CCDC191: variants seen among roughly 807,000 people sequenced by gnomAD.
CCDC191 encodes coiled-coil domain containing 191, also known as coiled-coil domain-containing protein 191.
A neutral mutation model predicts 114.0 loss-of-function variants in CCDC191; 99 were observed. The ratio of observed to expected loss-of-function variants is 0.87; its 90% CI spans 0.74 to 1.03. The LOEUF is 1.03. Among genes scored for constraint, CCDC191 ranks in the 50% least tolerant of loss-of-function variants. The probability of loss-of-function intolerance (pLI) is 0.00; values close to 1 mark genes in which losing one functional copy is unlikely to be tolerated. For missense variants in CCDC191, 973 were observed against 1,087.0 expected (o/e 0.90, Z 1.47); for synonymous variants, 351 against 376.0 (o/e 0.93, Z 0.77).
intron 4 of CCDC191, 91 bp downstream of exon 4, chr3:114,042,608 TTAAA>T (rs1328936158): frequency 1.9e-6 from 2 of 1,056,080 alleles, no homozygotes; most frequent in African/African-American, 3.4e-5. Context: ...CACAGAAAAC[TTAAA>T]TATGTATCAT....
intron 2 of CCDC191, chr3:114,047,211 T>C: frequency 6.0e-6 from 4 of 664,966 alleles, no homozygotes; most frequent in Non-Finnish European, 7.4e-6. Flanking sequence ...TCAATAAAAT[T>C]GGAATAAACA....
chr3:114,042,560 C>T (rs2076577361), intron 4 of CCDC191, 143 bp downstream of exon 4: 1 of 571,566 alleles, frequency 1.7e-6, no homozygotes, highest in Non-Finnish European at 2.8e-6. Context: ...TACATTTAAC[C>T]ATGATAAATT....
chr3:114,045,177 G>A (rs927706706), intron 3 of CCDC191, among the ~76,000 whole-genome samples: 3 of 151,934 alleles, frequency 2.0e-5, no homozygotes, highest in African/African-American at 4.8e-5. Flanking sequence ...ATCTCTACTG[G>A]CAGGGTGGGA....
At chr3:114,046,444 A>G in intron 3 of CCDC191, 147 bp downstream of exon 3, 1 of 626,632 alleles carries the variant, frequency 1.6e-6, no homozygotes, top group East Asian at 2.8e-5. Flanking sequence ...TATTGGAGTT[A>G]ATTCCAGAGT....
intron 8 of CCDC191, 32 bp downstream of exon 8, chr3:114,018,646 A>C (rs779180180): frequency 6.5e-7 from 1 of 1,545,638 alleles, no homozygotes. Context: ...CTAGATAAAC[A>C]TACTAGATTT....
At chr3:113,990,773 C>T (rs1461611778) in intron 13 of CCDC191, among the ~76,000 whole-genome samples, 1 of 151,390 alleles carries the variant, frequency 6.6e-6, no homozygotes, top group South Asian at 2.1e-4. Flanking sequence ...TAACCATTAT[C>T]CTAATACCAC....
At chr3:114,025,826 CCA>C (rs764815277) in intron 7 of CCDC191, among the ~76,000 whole-genome samples, 1 of 152,132 alleles carries the variant, frequency 6.6e-6, no homozygotes, top group African/African-American at 2.4e-5. Flanking sequence ...TCATCCTTGG[CCA>C]CACACATAAA....
Position 113,983,475 on chromosome 3 carries a change from C to A in CCDC191, c.2164-2682G>T, listed in dbSNP as rs551353967. On this transcript the variant is annotated intron_variant, in intron 13 of 16. Transcript: ENST00000295878. ...CAATAGGTATCTCACATTTAACATG[C>A]CCCCGCCAACTAGACACTGTGGAGG... Among the ~76,000 whole-genome samples the A allele has an allele frequency of 9.9e-5, 15 of 152,268 alleles. No individual in the cohort carries two copies. The South Asian group carries it at 3.1e-3, about 32-fold the overall frequency.
intron 13 of CCDC191, among the ~76,000 whole-genome samples, chr3:114,000,415 G>C (rs1394726684): frequency 1.3e-5 from 2 of 152,036 alleles, no homozygotes; most frequent in African/African-American, 4.8e-5. Context: ...TACACCACTG[G>C]GTTTCTTGGG....
At chr3:113,985,335 C>A (rs2075314073) in intron 13 of CCDC191, among the ~76,000 whole-genome samples, 1 of 152,162 alleles carries the variant, frequency 6.6e-6, no homozygotes, top group African/African-American at 2.4e-5. Flanking sequence ...ATTAGCACTG[C>A]ATCTGAGGGA....
chr3:113,972,191 T>C (rs998996720), intron 16 of CCDC191, among the ~76,000 whole-genome samples: 3 of 152,140 alleles, frequency 2.0e-5, no homozygotes, highest in African/African-American at 7.2e-5. Flanking sequence ...GTCTGTCAAC[T>C]TTTTTGATGT....
Position 113,979,137 on chromosome 3 carries a change from A to G in CCDC191, c.2308-127T>C. The G allele has an allele frequency of 6.0e-6, 5 of 829,726 alleles. No individual in the cohort carries two copies. In the South Asian group the frequency reaches 6.8e-5, roughly 11 times the overall value. 51.4% of individuals were successfully genotyped at this position (829,726 alleles called of 1,614,324 possible). Reference sequence around the variant, plus strand: ...TCGGTAGAGAATAATCTGAAGGTACATGCAGCCTGTGTCCTAAAAGCTTTG... The same window carrying G: ...TCGGTAGAGAATAATCTGAAGGTACGTGCAGCCTGTGTCCTAAAAGCTTTG... On this transcript the variant is annotated intron_variant, in intron 14 of 16. Transcript: ENST00000295878.
chr3:114,010,209 C>T (rs1014457357), intron 9 of CCDC191, among the ~76,000 whole-genome samples: 1 of 151,766 alleles, frequency 6.6e-6, no homozygotes, highest in African/African-American at 2.4e-5. Flanking sequence ...CCTCAATGGC[C>T]TGACTAAAGA....
At chr3:113,980,857 A>C in intron 13 of CCDC191, 64 bp from the exon 14 acceptor site, 1 of 1,430,532 alleles carries the variant, frequency 7.0e-7, no homozygotes, top group Non-Finnish European at 9.6e-7. Flanking sequence ...TTCAATGAAA[A>C]GCTAATGAAT....
intron 7 of CCDC191, 90 bp downstream of exon 7, chr3:114,031,536 G>A: frequency 1.8e-6 from 2 of 1,115,424 alleles, no homozygotes; most frequent in Non-Finnish European, 2.7e-6. Context: ...AGGTTCAACT[G>A]GACTTAGTTT....
In CCDC191 at chr3:114,004,758, A is replaced by G. The variant is rs2075919581; in HGVS notation, c.1869-12T>C. 1 of 1,606,628 alleles carries G rather than the reference A, an allele frequency of 6.2e-7. No homozygotes were observed. The highest frequency in any genetic ancestry group is 8.5e-7 in the Non-Finnish European group (1 of 1,177,164). On this transcript the variant is annotated splice_polypyrimidine_tract_variant and intron_variant, in intron 10 of 16. Transcript: ENST00000295878. ...AAGCAACAGGTGAACTAGGGAAAAA[A>G]TAAAGGAAAGGAATTTAGACTACTA...
chr3:114,018,480 A>G (rs1200751417), intron 8 of CCDC191, among the ~76,000 whole-genome samples, 198 bp downstream of exon 8: 1 of 151,962 alleles, frequency 6.6e-6, no homozygotes, highest in African/African-American at 2.4e-5. Flanking sequence ...CGGCTAGCAC[A>G]TTTAAATAAT....
In CCDC191 at chr3:114,001,685, C is replaced by T. The variant is rs747625463; in HGVS notation, c.2073G>A (p.Lys691=). The T allele has an allele frequency of 3.7e-6, 6 of 1,613,702 alleles. No homozygotes were observed. In the African/African-American group the frequency reaches 8.0e-5, roughly 22 times the overall value. Residue 691 remains lysine (K), a synonymous_variant, in exon 13 of 17, where the codon AAG becomes AAA. Coordinates refer to ENST00000295878, the MANE Select transcript of CCDC191 (RefSeq NM_020817.2). Reference sequence around the variant, plus strand: ...TTTTCTGACGTTCCTCCTCTTGGGCCTTTAACTGGGCCTGATTGAGATTAG... The same window carrying T: ...TTTTCTGACGTTCCTCCTCTTGGGCTTTTAACTGGGCCTGATTGAGATTAG... ...KQEEEKLAQL[K]AQEEERQKRE...
intron 3 of CCDC191, among the ~76,000 whole-genome samples, chr3:114,043,555 T>C (rs970228038): frequency 3.3e-5 from 5 of 152,150 alleles, no homozygotes; most frequent in Admixed American, 3.3e-4. Flanking sequence ...ATGTCAATAG[T>C]CCTGAGGCTG....
Sources: allele counts gnomAD v4.1 joint callset (sites outside exome capture counted in the v4.1 genomes callset), GRCh38; gene constraint gnomAD v4.1.1; transcripts MANE v1.5; gene names NCBI Gene and HGNC (gene_info 2026-07-23, HGNC 2026-07-21).